OPRM1: variants seen among roughly 807,000 people sequenced by gnomAD.
The protein encoded by OPRM1 is opioid receptor mu 1, also known as mu-type opioid receptor.
OPRM1 carries 27 observed loss-of-function variants against 31.8 expected under a neutral mutation model. The observed-to-expected ratio is 0.85, with a 90% CI of 0.63 to 1.17. OPRM1 has a LOEUF of 1.17. Among genes scored for constraint, OPRM1 ranks in the 50% most tolerant of loss-of-function variants. The probability of loss-of-function intolerance (pLI) is 0.00; values close to 1 mark genes in which losing one functional copy is unlikely to be tolerated. For missense variants in OPRM1, 536 were observed against 511.1 expected (o/e 1.05, Z -0.47); for synonymous variants, 196 against 189.9 (o/e 1.03, Z -0.26).
chr6:154,095,154 G>A (rs1223587703), intron 3 of OPRM1, among the ~76,000 whole-genome samples: 1 of 152,182 alleles, frequency 6.6e-6, no homozygotes, highest in East Asian at 1.9e-4. Flanking sequence ...AGCCAGGTGT[G>A]GTGGCACATA....
intron 3 of OPRM1, among the ~76,000 whole-genome samples, chr6:154,185,600 T>G (rs1216526910): frequency 6.6e-6 from 1 of 152,232 alleles, no homozygotes; most frequent in Non-Finnish European, 1.5e-5. Context: ...TGCCATATGC[T>G]TATTATAAAT....
At position 154,022,358 on chromosome 6, in the gene OPRM1, G is replaced by GAGA. The variant is rs1379145846; in HGVS notation, c.-1+11344_-1+11346dup. 3.3e-5 allele frequency among the ~76,000 whole-genome samples: 5 copies of GAGA among 152,126 alleles called. 1 individual carries two copies. The highest frequency in any genetic ancestry group is 1.2e-4 in the African/African-American group (5 of 41,378). On this transcript the variant is annotated intron_variant, in intron 1 of 5. Transcript: ENST00000434900. ...AATCCTGGAGTAATTTCCTGAAGAAGAGAAGAGCCTCTGCTCCACGCCCCG... is the reference window on the plus strand; with the variant it reads ...AATCCTGGAGTAATTTCCTGAAGAAGAGAAGAAGAGCCTCTGCTCCACGCCCCG...
chr6:154,215,768 G>A (rs1412357321), intron 3 of OPRM1, among the ~76,000 whole-genome samples: 3 of 151,994 alleles, frequency 2.0e-5, no homozygotes, highest in Non-Finnish European at 2.9e-5. Context: ...GCCCAGATAC[G>A]AAACAGGAAC....
Position 154,118,722 on chromosome 6 carries a change from C to G in OPRM1, c.*1C>G. The G allele has an allele frequency of 6.2e-7, 1 of 1,613,276 alleles. No individual in the cohort carries two copies. Among genetic ancestry groups the G allele is most frequent in the South Asian group, 1.1e-5 (1 of 91,040 alleles). On this transcript the variant is annotated 3_prime_UTR_variant, in exon 4 of 4. Coordinates refer to ENST00000330432, the MANE Select transcript of OPRM1 (RefSeq NM_000914.5). The stretch of plus-strand genomic sequence containing the variant: ...AGCAGAAACTGCTCCGTTGCCCTAA[C>G]AGGGTCTCATGCCATTCCGACCTTC...
chr6:154,093,888 A>C (rs958786159), intron 3 of OPRM1, among the ~76,000 whole-genome samples: 2 of 152,268 alleles, frequency 1.3e-5, no homozygotes, highest in Non-Finnish European at 2.9e-5. Context: ...TGCTAGTGAT[A>C]GTTTCAATAA....
intron 1 of OPRM1, chr6:154,011,106 C>T (rs1156916241): frequency 8.8e-7 from 1 of 1,137,054 alleles, no homozygotes; most frequent in Admixed American, 2.3e-5. Context: ...TGACACTCAT[C>T]TCTTAAATGC....
intron 1 of OPRM1, among the ~76,000 whole-genome samples, chr6:154,057,218 T>A (rs1197999867): frequency 6.6e-6 from 1 of 152,198 alleles, no homozygotes; most frequent in African/African-American, 2.4e-5. Context: ...AGACTAATTT[T>A]AAAGAATAAA....
chr6:154,024,629 A>AT (rs1778580361), intron 1 of OPRM1, among the ~76,000 whole-genome samples: 1 of 146,108 alleles, frequency 6.8e-6, no homozygotes, highest in South Asian at 2.2e-4. Flanking sequence ...AAGATGCATT[A>AT]TTATGTTGCT....
intron 1 of OPRM1, among the ~76,000 whole-genome samples, chr6:154,077,823 T>C (rs1476658425): frequency 6.6e-6 from 1 of 151,940 alleles, no homozygotes; most frequent in Non-Finnish European, 1.5e-5. Flanking sequence ...TACCAAAATA[T>C]CTCTAAAGAG....
chr6:154,206,220 T>C (rs748699752), intron 3 of OPRM1, among the ~76,000 whole-genome samples: 8 of 152,212 alleles, frequency 5.3e-5, no homozygotes, highest in South Asian at 2.1e-4. Flanking sequence ...CTACTTCCGA[T>C]AGCTATGTGT....
At chr6:154,184,190 T>C (rs1469801739) in intron 3 of OPRM1, among the ~76,000 whole-genome samples, 2 of 151,762 alleles carry the variant, frequency 1.3e-5, no homozygotes, top group Non-Finnish European at 2.9e-5. Context: ...CACTGAAAAC[T>C]TTCTCTTAAA....
chr6:154,236,957 T>C (rs1410026472), intron 3 of OPRM1, among the ~76,000 whole-genome samples: 1 of 152,256 alleles, frequency 6.6e-6, no homozygotes, highest in African/African-American at 2.4e-5. Flanking sequence ...CCCTAAATTC[T>C]GACTCCTTAC....
rs148703564 is a variant in OPRM1 at position 154,084,422 on chromosome 6, GAC to G, written c.291-5389_291-5388del. Reference sequence around the variant, plus strand: ...AACCTCCCCCCCCAACAGACAGACAGACACACACACACACACTCACAAGTAAA... The same window carrying G: ...AACCTCCCCCCCCAACAGACAGACAGACACACACACACACTCACAAGTAAA... On this transcript the variant is annotated intron_variant, in intron 1 of 3. Coordinates refer to ENST00000330432, the MANE Select transcript of OPRM1 (RefSeq NM_000914.5). 2.7e-5 allele frequency among the ~76,000 whole-genome samples: 4 copies of G among 150,906 alleles called. No individual in the cohort carries two copies. The South Asian group carries it at 6.3e-4, about 24-fold the overall frequency.
At chr6:154,093,770 A>G (rs1182251372) in intron 3 of OPRM1, among the ~76,000 whole-genome samples, 2 of 152,230 alleles carry the variant, frequency 1.3e-5, no homozygotes, top group Admixed American at 6.5e-5. Flanking sequence ...ATGCTCTGAC[A>G]TATTTAAAAA....
rs181108229 is a variant in OPRM1 at position 154,083,893 on chromosome 6, G to A, written c.291-5933G>A. On this transcript the variant is annotated intron_variant, in intron 1 of 3. Transcript: ENST00000330432. Reference sequence around the variant, plus strand: ...CGGGAGGCGGAGCTTGCAGTGAGCCGAGATCGCGCCACTGCACTCCAGCCT... The same window carrying A: ...CGGGAGGCGGAGCTTGCAGTGAGCCAAGATCGCGCCACTGCACTCCAGCCT... Among the ~76,000 whole-genome samples the A allele has an allele frequency of 9.4e-5, 13 of 137,804 alleles. No individual in the cohort carries two copies. In the East Asian group the frequency reaches 3.1e-3, roughly 33 times the overall value. The allele number at this position is 137,804 out of a possible 152,430, so 90.4% of individuals were successfully genotyped here.
chr6:154,155,118 G>A (rs988590260), intron 3 of OPRM1: 4 of 152,178 alleles, frequency 2.6e-5, no homozygotes, highest in African/African-American at 9.7e-5. Context: ...GAAGAGGCAA[G>A]GGAATTGCTT....
At chr6:154,229,412 C>T (rs1225922900) in intron 3 of OPRM1, among the ~76,000 whole-genome samples, 3 of 144,906 alleles carry the variant, frequency 2.1e-5, no homozygotes, top group East Asian at 2.1e-4. Flanking sequence ...TGCAGTGGCG[C>T]GATCTTGGCT....
intron 1 of OPRM1, among the ~76,000 whole-genome samples, chr6:154,081,847 T>G (rs545917122): frequency 1.3e-5 from 2 of 152,300 alleles, no homozygotes; most frequent in South Asian, 2.1e-4. Context: ...CCTCAAATAC[T>G]TGTAACTCTG....
chr6:154,089,884 G>A lies in OPRM1; in HGVS notation c.349G>A (p.Ala117Thr). The change falls in exon 2 of 4, where the codon GCC (alanine) becomes ACC (threonine). Residue 117 changes from alanine to threonine, a missense_variant. Ala to Thr is a moderately conservative substitution (Grantham distance 58). Coordinates refer to ENST00000330432, the MANE Select transcript of OPRM1 (RefSeq NM_000914.5). ...CATTTTCAACCTTGCTCTGGCAGAT[G>A]CCTTAGCCACCAGTACCCTGCCCTT... is the stretch of plus-strand genomic sequence containing the variant. ...IYIFNLALADALATSTLPFQS... is the reference protein window; with the variant it reads ...IYIFNLALADTLATSTLPFQS... The A allele has an allele frequency of 6.2e-7, 1 of 1,614,058 alleles. No individual in the cohort carries two copies. The highest frequency in any genetic ancestry group is 1.1e-5 in the South Asian group (1 of 91,074).
Sources: allele counts gnomAD v4.1 joint callset (sites outside exome capture counted in the v4.1 genomes callset), GRCh38; gene constraint gnomAD v4.1.1; transcripts MANE v1.5; gene names NCBI Gene and HGNC (gene_info 2026-07-23, HGNC 2026-07-21).